Variants in XKR5 observed in about 807,000 individuals in gnomAD.
XKR5 encodes the protein XK-related protein 5.
XKR5 carries 46 observed loss-of-function variants against 40.8 expected under a neutral mutation model. That is an observed-to-expected ratio of 1.13 (90% CI 0.89 to 1.44). The LOEUF is 1.44. Ranked by LOEUF, XKR5 falls within the 40% of genes most tolerant of loss-of-function variation. The pLI is 0.00. For missense variants in XKR5, 1,169 were observed against 844.7 expected, an observed-to-expected ratio of 1.38 and a Z score of -4.76; for synonymous variants, 466 against 356.1, an observed-to-expected ratio of 1.31 and a Z score of -3.48.
At chr8:6,825,136 G>C in intron 3 of XKR5, 29 bp downstream of exon 3, 1 of 1,611,542 alleles carries the variant, frequency 6.2e-7, no homozygotes, top group Non-Finnish European at 8.5e-7. Context: ...CAGTCAGACA[G>C]TCTGTGCTCT....
In XKR5 at chr8:6,815,774, G is replaced by A. The variant is rs749846447; in HGVS notation, c.919+33C>T. On this transcript the variant is annotated intron_variant, in intron 6 of 6. Coordinates refer to ENST00000618742, the MANE Select transcript of XKR5 (RefSeq NM_207411.5). ...AAAAAAAAAAAATACGTTGGGGAGGGGATGCAGAGAAGAAGGTGACATTGG... is the reference window on the plus strand; with the variant it reads ...AAAAAAAAAAAATACGTTGGGGAGGAGATGCAGAGAAGAAGGTGACATTGG... 3.5e-6 allele frequency: 5 copies of A among 1,444,620 alleles called. No individual in the cohort carries two copies. In the African/African-American group the frequency reaches 7.1e-5, roughly 20 times the overall value. 89.5% of individuals were successfully genotyped at this position (1,444,620 alleles called of 1,614,324 possible).
intron 2 of XKR5, among the ~76,000 whole-genome samples, chr8:6,826,433 G>A (rs141590592): frequency 5.7e-4 from 86 of 152,184 alleles, no homozygotes; most frequent in Non-Finnish European, 9.9e-4. Flanking sequence ...ATTGGTGAAG[G>A]GAGTCCTAGG....
intron 2 of XKR5, among the ~76,000 whole-genome samples, chr8:6,828,065 C>G (rs1804597695): frequency 6.6e-6 from 1 of 151,478 alleles, no homozygotes; most frequent in Non-Finnish European, 1.5e-5. Context: ...GCAGAAGACT[C>G]TCGTGAAAAA....
At chr8:6,823,833 C>A in intron 3 of XKR5, 103 bp from the exon 4 acceptor site, 3 of 1,004,956 alleles carry the variant, frequency 3.0e-6, no homozygotes, top group Non-Finnish European at 4.5e-6. Flanking sequence ...TGTGTAACCT[C>A]TTGTTAAAGC....
At chr8:6,816,132 A>C (rs931419104) in intron 5 of XKR5, among the ~76,000 whole-genome samples, 1 of 152,042 alleles carries the variant, frequency 6.6e-6, no homozygotes, top group Non-Finnish European at 1.5e-5. Context: ...TGGCTCATTA[A>C]AGTGTCTGCA....
At chr8:6,813,550 G>A (rs2117078887) in intron 6 of XKR5, among the ~76,000 whole-genome samples, 1 of 152,344 alleles carries the variant, frequency 6.6e-6, no homozygotes, top group East Asian at 1.9e-4. Context: ...GAGCCTGGAT[G>A]CAAGCTTGTG....
At position 6,809,391 on chromosome 8, in the gene XKR5, T is replaced by G. The variant is rs1803581611; in HGVS notation, c.*1807A>C. 6.6e-6 allele frequency: 1 copy of G among 152,230 alleles called. No homozygotes were observed. The highest frequency in any genetic ancestry group is 2.4e-5 in the African/African-American group (1 of 41,402). The allele number at this position is 152,230 out of a possible 1,614,324, so 9.4% of individuals were successfully genotyped here. ...TGCAACCTCTGCCTCCCAGTTCAACTGATTCTCGTGCCTCAGCCTCTCGAG... is the reference window on the plus strand; with the variant it reads ...TGCAACCTCTGCCTCCCAGTTCAACGGATTCTCGTGCCTCAGCCTCTCGAG... On this transcript the variant is annotated 3_prime_UTR_variant, in exon 7 of 7. Transcript: ENST00000618742.
rs965215127 is a variant in XKR5 at position 6,808,579 on chromosome 8, C to G, written c.*2619G>C. On this transcript the variant is annotated 3_prime_UTR_variant, in exon 7 of 7. Coordinates refer to ENST00000618742, the MANE Select transcript of XKR5 (RefSeq NM_207411.5). ...TAAATATAGTGTATATTTTCTGATC[C>G]TTTTCATCACCGGGCAATATGCTTT... The G allele has an allele frequency of 6.6e-6, 1 of 152,088 alleles. No individual in the cohort carries two copies. The highest frequency in any genetic ancestry group is 1.5e-5 in the Non-Finnish European group (1 of 68,016). The allele number at this position is 152,088 out of a possible 1,614,324, so 9.4% of individuals were successfully genotyped here.
chr8:6,826,250 T>A (rs905952837), intron 2 of XKR5, among the ~76,000 whole-genome samples: 11 of 152,038 alleles, frequency 7.2e-5, no homozygotes, highest in Admixed American at 7.2e-4. Flanking sequence ...GTGTGTATGT[T>A]TATATATGTG....
chr8:6,832,989 A>T, intron 1 of XKR5, 89 bp from the exon 2 acceptor site: 4 of 1,190,566 alleles, frequency 3.4e-6, no homozygotes, highest in Non-Finnish European at 4.5e-6. Context: ...CATTTTCTGG[A>T]TGTTATGATG....
At chr8:6,834,414 A>G (rs902006188) in intron 1 of XKR5, among the ~76,000 whole-genome samples, 22 of 152,198 alleles carry the variant, frequency 1.4e-4, no homozygotes, top group Non-Finnish European at 8.8e-5. Flanking sequence ...CCTCCCTTGC[A>G]CGAAAAGCCT....
rs2117098057 is a variant in XKR5, at chr8:6,822,016, T to C, written c.660A>G (p.Thr220=). 2 of 1,605,930 alleles carry C rather than the reference T, an allele frequency of 1.2e-6. No homozygotes were observed. Among genetic ancestry groups the C allele is most frequent in the South Asian group, 1.1e-5 (1 of 89,604 alleles). Reference sequence around the variant, plus strand: ...CACTCTGCTGGGCGACAAGCCAGAATGTCATCACCAGCCAGTGGGCACCTG... The same window carrying C: ...CACTCTGCTGGGCGACAAGCCAGAACGTCATCACCAGCCAGTGGGCACCTG... ...VVAGAHWLVM[T]FWLVAQQSDI... Residue 220 remains threonine (T), a synonymous_variant, in exon 5 of 7, where the codon ACA becomes ACG. Transcript: ENST00000618742.
rs1437239838 is a variant in XKR5 at position 6,812,105 on chromosome 8, G to A, written c.1154C>T (p.Pro385Leu). ...GKPPTPEQVPPEAGLGTQVAV... is the reference protein window; with the variant it reads ...GKPPTPEQVPLEAGLGTQVAV... ...AACCTGGGTCCCCAGCCCAGCCTCT[G>A]GGGGGACCTGCTCAGGGGTAGGGGG... Residue 385 changes from proline to leucine, a missense_variant, in exon 7 of 7, where the codon CCA becomes CTA. Pro to Leu is a moderately conservative substitution (Grantham distance 98). Coordinates refer to ENST00000618742, the MANE Select transcript of XKR5 (RefSeq NM_207411.5). 1.3e-6 allele frequency: 2 copies of A among 1,545,712 alleles called. No homozygotes were observed. Among genetic ancestry groups the A allele is most frequent in the Non-Finnish European group, 1.7e-6 (2 of 1,146,978 alleles).
At chr8:6,829,382 G>C (rs1031703960) in intron 2 of XKR5, 11 of 167,766 alleles carry the variant, frequency 6.6e-5, no homozygotes, top group African/African-American at 2.4e-4. Context: ...GTAGAAGAAA[G>C]TAATGGTCTT....
intron 2 of XKR5, among the ~76,000 whole-genome samples, chr8:6,827,192 C>G (rs1804530059): frequency 6.6e-6 from 1 of 152,182 alleles, no homozygotes; most frequent in Non-Finnish European, 1.5e-5. Flanking sequence ...ACCAATTCCT[C>G]TCTGGGTCTA....
intron 2 of XKR5, among the ~76,000 whole-genome samples, chr8:6,829,796 T>C (rs893661799): frequency 7.4e-5 from 11 of 148,144 alleles, no homozygotes; most frequent in Non-Finnish European, 1.6e-4. Context: ...AGATTACAGG[T>C]GTGAGCCGTC....
intron 1 of XKR5, among the ~76,000 whole-genome samples, chr8:6,834,539 C>A (rs949355394): frequency 6.6e-6 from 1 of 152,240 alleles, no homozygotes; most frequent in South Asian, 2.1e-4. Context: ...CCCTTCCAGT[C>A]CGGGGCGCGG....
At position 6,811,209 on chromosome 8, in the gene XKR5, A is replaced by T. The variant is rs1310421006; in HGVS notation, c.2050T>A (p.Phe684Ile). Residue 684 changes from phenylalanine to isoleucine, a missense_variant, in exon 7 of 7, where the codon TTT (phenylalanine) becomes ATT (isoleucine). Transcript: ENST00000618742. ...CREQMKQEPS[F>I]FI ...CACCATGACTGTGGTCAGATGAAAA[A>T]ACTCGGCTCTTGCTTCATCTGTTCC... The T allele has an allele frequency of 6.5e-7, 1 of 1,534,972 alleles. No individual in the cohort carries two copies. The highest frequency in any genetic ancestry group is 8.7e-7 in the Non-Finnish European group (1 of 1,145,344).
intron 6 of XKR5, among the ~76,000 whole-genome samples, chr8:6,813,919 A>G (rs917729204): frequency 7.9e-5 from 12 of 152,204 alleles, no homozygotes; most frequent in African/African-American, 2.2e-4. Flanking sequence ...AAATCCAGAA[A>G]GTAGATGAGG....
Sources: gnomAD v4.1 joint callset for allele counts (sites outside exome capture counted in the v4.1 genomes callset) on GRCh38, gnomAD v4.1.1 for gene constraint, MANE v1.5 for transcripts, NCBI Gene and HGNC (gene_info 2026-07-23, HGNC 2026-07-21) for gene names.